The following GARNL3 variants were observed in gnomAD, a reference collection of about 807,000 sequenced individuals.
The protein encoded by GARNL3 is GTPase-activating Rap/Ran-GAP domain-like protein 3.
In GARNL3, 63 loss-of-function variants were observed where a neutral mutation model predicts 125.0. The observed-to-expected ratio is 0.50, with a 90% CI of 0.41 to 0.62. The LOEUF is 0.62. Ranked by LOEUF, GARNL3 falls within the 20% of genes least tolerant of loss-of-function variation. GARNL3 has a pLI of 0.00. For missense variants in GARNL3, 994 were observed against 1,244.0 expected (o/e 0.80, Z 3.02); for synonymous variants, 439 against 457.5 (o/e 0.96, Z 0.52).
intron 2 of GARNL3, among the ~76,000 whole-genome samples, chr9:127,294,050 G>C (rs543570877): frequency 2.6e-5 from 4 of 152,206 alleles, no homozygotes; most frequent in Non-Finnish European, 5.9e-5. Flanking sequence ...TCTTCCTTCA[G>C]TGTGCAGCCC....
At chr9:127,375,980 G>A (rs1164080208) in intron 22 of GARNL3, among the ~76,000 whole-genome samples, 2 of 152,146 alleles carry the variant, frequency 1.3e-5, no homozygotes, top group African/African-American at 4.8e-5. Context: ...TTGTTTGTGA[G>A]ACAGAGTCTT....
At position 127,299,088 on chromosome 9, in the gene GARNL3, G is replaced by A. The variant is rs148591718; in HGVS notation, c.219+7846G>A. 4.5e-3 allele frequency among the ~76,000 whole-genome samples: 683 copies of A among 152,180 alleles called. 8 individuals carry two copies. Among genetic ancestry groups the A allele is most frequent in the African/African-American group, 0.016 (648 of 41,534 alleles). On this transcript the variant is annotated intron_variant, in intron 2 of 27. Coordinates refer to ENST00000373387, the MANE Select transcript of GARNL3 (RefSeq NM_032293.5). ...TCCCAGCACTTTAGGAGGCTGAGGC[G>A]GGTGGATCACGAGGCCAGGAGACTG...
chr9:127,379,021 G>T (rs1832099150), intron 22 of GARNL3, among the ~76,000 whole-genome samples: 1 of 152,124 alleles, frequency 6.6e-6, no homozygotes, highest in East Asian at 1.9e-4. Context: ...CAAGTGATCT[G>T]CCCGCCTTGG....
intron 22 of GARNL3, among the ~76,000 whole-genome samples, chr9:127,374,909 C>CA (rs772141471): frequency 0.06 from 3,803 of 63,142 alleles, 146 homozygotes; most frequent in African/African-American, 0.15. Flanking sequence ...TCCATCTCTA[C>CA]AAAAAAAAAA....
intron 1 of GARNL3, among the ~76,000 whole-genome samples, chr9:127,282,425 C>G (rs1240041919): frequency 2.0e-5 from 3 of 152,052 alleles, no homozygotes; most frequent in Non-Finnish European, 2.9e-5. Context: ...TTATTAAATC[C>G]TCACCACAAG....
intron 1 of GARNL3, among the ~76,000 whole-genome samples, chr9:127,227,526 A>C (rs1301535854): frequency 6.6e-6 from 1 of 152,072 alleles, no homozygotes; most frequent in Non-Finnish European, 1.5e-5. Context: ...GTTTGAACCC[A>C]GGAGGCAGAG....
In GARNL3 at chr9:127,321,485, G is replaced by A. The variant is rs748090149; in HGVS notation, c.567+707G>A. Among the ~76,000 whole-genome samples, 14 of 152,228 alleles carry A rather than the reference G, an allele frequency of 9.2e-5. 1 individual carries two copies. Among genetic ancestry groups the A allele is most frequent in the Admixed American group, 5.9e-4 (9 of 15,284 alleles). ...CGTGGTCGATTGAGCTCTTACTCATGTAGTAGACTGCGCTGGCTACCATCG... is the reference window on the plus strand; with the variant it reads ...CGTGGTCGATTGAGCTCTTACTCATATAGTAGACTGCGCTGGCTACCATCG... On this transcript the variant is annotated intron_variant, in intron 6 of 27. Transcript: ENST00000373387.
intron 1 of GARNL3, among the ~76,000 whole-genome samples, chr9:127,286,737 TG>T (rs1311294814): frequency 6.6e-6 from 1 of 152,258 alleles, no homozygotes; most frequent in Non-Finnish European, 1.5e-5. Flanking sequence ...TTGGACTTTT[TG>T]TAGTAAATCT....
At chr9:127,390,190 A>G (rs1469536855) in intron 26 of GARNL3, among the ~76,000 whole-genome samples, 1 of 152,234 alleles carries the variant, frequency 6.6e-6, no homozygotes, top group Non-Finnish European at 1.5e-5. Context: ...GCCACCTGAC[A>G]GGGCAGGACT....
rs927874026 is a variant in GARNL3 at position 127,392,530 on chromosome 9, G to C, written c.2871-553G>C. ...TGGACAGGCTTGAGCATAGAGAACG[G>C]AGCCAGGAACTGTGTGAGGCCGAGA... On this transcript the variant is annotated intron_variant, in intron 27 of 27. Transcript: ENST00000373387. The surrounding 1 kb of genome is among the most constrained non-coding windows in gnomAD (Gnocchi z 5.2). Among the ~76,000 whole-genome samples, 3 of 152,280 alleles carry C rather than the reference G, an allele frequency of 2.0e-5. No homozygotes were observed. Among genetic ancestry groups the C allele is most frequent in the African/African-American group, 4.8e-5 (2 of 41,474 alleles).
chr9:127,351,315 AT>A (rs1830412290), intron 17 of GARNL3, among the ~76,000 whole-genome samples: 1 of 152,174 alleles, frequency 6.6e-6, no homozygotes, highest in South Asian at 2.1e-4. Context: ...TGTAAGGAGT[AT>A]TGTGATTTGC....
intron 1 of GARNL3, among the ~76,000 whole-genome samples, chr9:127,271,914 C>T (rs1327446026): frequency 3.3e-5 from 5 of 150,266 alleles, no homozygotes; most frequent in East Asian, 1.9e-4. Flanking sequence ...AGATGAGCCA[C>T]GTGCATGCTC....
At chr9:127,241,671 G>GT (rs2063206837) in intron 1 of GARNL3, among the ~76,000 whole-genome samples, 1 of 152,076 alleles carries the variant, frequency 6.6e-6, no homozygotes, top group South Asian at 2.1e-4. Context: ...GAAGACAAAG[G>GT]GGACAGGTAG....
chr9:127,379,307 A>G (rs1256082029), intron 22 of GARNL3, among the ~76,000 whole-genome samples: 4 of 152,342 alleles, frequency 2.6e-5, no homozygotes, highest in South Asian at 2.1e-4. Context: ...TTGCTTATGT[A>G]GGAACTCACA....
chr9:127,344,875 C>G (rs1830055557), intron 15 of GARNL3, among the ~76,000 whole-genome samples: 1 of 152,208 alleles, frequency 6.6e-6, no homozygotes, highest in African/African-American at 2.4e-5. Context: ...TGGTATTTCT[C>G]AGTTCCGGGA....
chr9:127,284,189 T>C (rs564913515), intron 1 of GARNL3, among the ~76,000 whole-genome samples: 1 of 152,290 alleles, frequency 6.6e-6, no homozygotes, highest in East Asian at 1.9e-4. Flanking sequence ...AGATCTTCAG[T>C]TTTGCAACTA....
chr9:127,319,822 G>A (rs1356383236), intron 5 of GARNL3, among the ~76,000 whole-genome samples: 1 of 152,120 alleles, frequency 6.6e-6, no homozygotes, highest in Admixed American at 6.5e-5. Flanking sequence ...TTAAAAACTA[G>A]GCATTTCATT....
intron 1 of GARNL3, among the ~76,000 whole-genome samples, chr9:127,278,386 T>A (rs1313885755): frequency 6.6e-6 from 1 of 152,246 alleles, no homozygotes; most frequent in Non-Finnish European, 1.5e-5. Context: ...AATCTCTTTT[T>A]TCGTCTTCAT....
chr9:127,346,346 A>G (rs1830138095), intron 16 of GARNL3, among the ~76,000 whole-genome samples: 1 of 152,204 alleles, frequency 6.6e-6, no homozygotes, highest in Non-Finnish European at 1.5e-5. Context: ...TTACTGATAA[A>G]GGTATAGATG....
Sources: gnomAD v4.1 joint callset for allele counts (sites outside exome capture counted in the v4.1 genomes callset) on GRCh38, gnomAD v4.1.1 for gene constraint, Gnocchi (gnomAD v3.1) non-coding constraint, MANE v1.5 for transcripts, NCBI Gene and HGNC (gene_info 2026-07-23, HGNC 2026-07-21) for gene names.